DLC1: variants seen among roughly 807,000 people sequenced by gnomAD.
DLC1 encodes the protein DLC1 Rho GTPase activating protein, also known as rho GTPase-activating protein 7.
DLC1 carries 54 observed loss-of-function variants against 140.3 expected under a neutral mutation model. That is an observed-to-expected ratio of 0.38 (90% CI 0.31 to 0.48). The LOEUF is 0.48. DLC1 is among the 20% of genes least tolerant of loss of function. The probability of loss-of-function intolerance (pLI) is 0.96; values close to 1 mark genes in which losing one functional copy is unlikely to be tolerated. For missense variants in DLC1, 2,536 were observed against 1,907.0 expected, an observed-to-expected ratio of 1.33 and a Z score of -6.14; for synonymous variants, 986 against 728.1, an observed-to-expected ratio of 1.35 and a Z score of -5.70.
chr8:13,371,332 A>T (rs1244708198), intron 4 of DLC1, among the ~76,000 whole-genome samples: 2 of 152,114 alleles, frequency 1.3e-5, no homozygotes, highest in African/African-American at 4.8e-5. Flanking sequence ...TTCTGTCCCC[A>T]TTCAAAAGAG....
chr8:13,531,559 C>A (rs2117307569), intron 1 of DLC1, among the ~76,000 whole-genome samples: 1 of 152,230 alleles, frequency 6.6e-6, no homozygotes. Context: ...GCATTCCAGG[C>A]TGGGCGACAG....
In DLC1 at chr8:13,273,798, A is replaced by G. The variant is rs115564393; in HGVS notation, c.1348+31471T>C. ...AGAGAGAGAGAGAGAATGAATAAGA[A>G]TATACCTAACAAGGAAACTTAAAAT... On this transcript the variant is annotated intron_variant, in intron 5 of 17. Transcript: ENST00000276297. 3.8e-3 allele frequency among the ~76,000 whole-genome samples: 572 copies of G among 151,506 alleles called. 7 individuals carry two copies. Among genetic ancestry groups the G allele is most frequent in the African/African-American group, 0.013 (550 of 41,188 alleles).
At chr8:13,407,555 G>T (rs542779988) in intron 2 of DLC1, among the ~76,000 whole-genome samples, 8 of 152,194 alleles carry the variant, frequency 5.3e-5, no homozygotes, top group African/African-American at 1.9e-4. Flanking sequence ...ATTTGGAAGA[G>T]AACCAAAAAG....
chr8:13,102,633 A>G (rs888520137), intron 8 of DLC1, among the ~76,000 whole-genome samples, 157 bp downstream of exon 8: 4 of 152,252 alleles, frequency 2.6e-5, no homozygotes, highest in African/African-American at 9.6e-5. Flanking sequence ...CTTCAACTAC[A>G]TAAGGCTATC....
chr8:13,577,593 T>G (rs1266971030), intron 1 of DLC1, among the ~76,000 whole-genome samples: 1 of 152,200 alleles, frequency 6.6e-6, no homozygotes, highest in Non-Finnish European at 1.5e-5. Context: ...ACATGCTAAA[T>G]TAATTTAGAA....
intron 2 of DLC1, among the ~76,000 whole-genome samples, chr8:13,453,220 A>T (rs1036880326): frequency 6.7e-6 from 1 of 148,950 alleles, no homozygotes; most frequent in Non-Finnish European, 1.5e-5. Flanking sequence ...AGAAGAATGT[A>T]ATGTAATGAT....
At chr8:13,398,601 C>G (rs1310901894) in intron 3 of DLC1, among the ~76,000 whole-genome samples, 3 of 88,742 alleles carry the variant, frequency 3.4e-5, no homozygotes, top group African/African-American at 5.2e-5. Context: ...AACCCCATCT[C>G]TACCAAAAAA....
intron 1 of DLC1, among the ~76,000 whole-genome samples, chr8:13,586,143 G>T (rs1052871040): frequency 3.3e-5 from 5 of 152,120 alleles, no homozygotes; most frequent in Admixed American, 3.3e-4. Context: ...AGAGATCTTG[G>T]CAGTATTGTT....
intron 8 of DLC1, among the ~76,000 whole-genome samples, chr8:13,102,377 G>A (rs993110580): frequency 7.9e-5 from 12 of 151,860 alleles, no homozygotes; most frequent in Admixed American, 7.2e-4. Flanking sequence ...TGCACAAATC[G>A]GCCTTCGCTT....
intron 5 of DLC1, among the ~76,000 whole-genome samples, chr8:13,226,896 A>G (rs969525956): frequency 7.2e-5 from 11 of 152,180 alleles, no homozygotes; most frequent in Non-Finnish European, 1.0e-4. Context: ...GCTTCCCTCA[A>G]GTGGTTCTAA....
At chr8:13,576,722 C>T (rs1804849834) in intron 1 of DLC1, among the ~76,000 whole-genome samples, 1 of 152,148 alleles carries the variant, frequency 6.6e-6, no homozygotes, top group Middle Eastern at 3.4e-3. Flanking sequence ...AATGAATCTC[C>T]CCAGAGTAGG....
At chr8:13,275,943 C>A (rs540419812) in intron 5 of DLC1, among the ~76,000 whole-genome samples, 20 of 152,278 alleles carry the variant, frequency 1.3e-4, no homozygotes, top group African/African-American at 4.8e-4. Context: ...TCATCACTAC[C>A]GATTTCCTGA....
At chr8:13,281,527 A>C (rs73665935) in intron 5 of DLC1, among the ~76,000 whole-genome samples, 2,482 of 152,328 alleles carry the variant, frequency 0.016, 71 homozygotes, top group African/African-American at 0.055. Context: ...TACAAAGCAC[A>C]TAAGTACCAT....
chr8:13,120,451 ATATAT>A (rs1357896044), intron 5 of DLC1, among the ~76,000 whole-genome samples: 7 of 150,508 alleles, frequency 4.7e-5, no homozygotes, highest in African/African-American at 1.7e-4. Context: ...AAAACCGCAT[ATATAT>A]TATATTACTT....
chr8:13,249,034 A>G (rs1270151923), intron 5 of DLC1, among the ~76,000 whole-genome samples: 2 of 152,102 alleles, frequency 1.3e-5, no homozygotes, highest in African/African-American at 4.8e-5. Context: ...TCCATTCCTC[A>G]GTGATGCCTC....
chr8:13,107,536 A>G (rs1563612459), intron 7 of DLC1, among the ~76,000 whole-genome samples: 1 of 152,262 alleles, frequency 6.6e-6, no homozygotes, highest in East Asian at 1.9e-4. Flanking sequence ...CAAAGACAAA[A>G]GTCTATAAAA....
intron 5 of DLC1, among the ~76,000 whole-genome samples, chr8:13,254,757 TA>T (rs1830147985): frequency 6.6e-6 from 1 of 151,712 alleles, no homozygotes; most frequent in South Asian, 2.1e-4. Flanking sequence ...ACTCAATAGA[TA>T]AAAGTTTCAT....
rs961872639 is a variant in DLC1 at position 13,436,525 on chromosome 8, T to A, written c.1024-34906A>T. ...TAAAACAGGTTCTTAGATTTTTTTT[T>A]AAAATGTCATTGTCCGGACAATTGG... On this transcript the variant is annotated intron_variant, in intron 2 of 17. Transcript: ENST00000276297. Among the ~76,000 whole-genome samples, 32 of 152,332 alleles carry A rather than the reference T, an allele frequency of 2.1e-4. 1 individual carries two copies. The highest frequency in any genetic ancestry group is 2.9e-4 in the Non-Finnish European group (20 of 68,026).
chr8:13,314,823 A>AT (rs150001479), intron 4 of DLC1, among the ~76,000 whole-genome samples: 2,971 of 152,290 alleles, frequency 0.02, 114 homozygotes, highest in African/African-American at 0.067. Flanking sequence ...TCCTTATCAA[A>AT]TGTGACTTCA....
Sources: allele counts gnomAD v4.1 joint callset (sites outside exome capture counted in the v4.1 genomes callset), GRCh38; gene constraint gnomAD v4.1.1; transcripts MANE v1.5; gene names NCBI Gene and HGNC (gene_info 2026-07-23, HGNC 2026-07-21).